CDH15: variants seen among roughly 807,000 people sequenced by gnomAD.
CDH15 encodes cadherin-15.
A neutral mutation model predicts 69.4 loss-of-function variants in CDH15; 73 were observed. That is an observed-to-expected ratio of 1.05 (90% CI 0.87 to 1.28). CDH15 has a LOEUF of 1.28. Among genes scored for constraint, CDH15 ranks in the 50% most tolerant of loss-of-function variants. The pLI is 0.00. For synonymous variants in CDH15, 624 were observed against 507.7 expected, an observed-to-expected ratio of 1.23 and a Z score of -3.08; for missense variants, 1,343 against 1,133.6, an observed-to-expected ratio of 1.18 and a Z score of -2.65.
chr16:89,171,753 G>A lies in CDH15; in HGVS notation c.-79G>A. On this transcript the variant is annotated 5_prime_UTR_variant, in exon 1 of 14. Transcript: ENST00000289746. ...TGTCTCTGGCCCTGGCCCGCCCCGC[G>A]CACTTGCGCTGTCACTCAGCCTGGA... The A allele has an allele frequency of 1.5e-6, 2 of 1,294,158 alleles. No individual in the cohort carries two copies. Among genetic ancestry groups the A allele is most frequent in the South Asian group, 1.3e-5 (1 of 77,182 alleles). 80.2% of individuals were successfully genotyped at this position (1,294,158 alleles called of 1,614,324 possible). A position where few individuals can be genotyped will look rare whatever the true frequency, so the allele number is the denominator to read the frequency against.
At chr16:89,178,646 G>A (rs369835818) in intron 1 of CDH15, among the ~76,000 whole-genome samples, 21 of 152,106 alleles carry the variant, frequency 1.4e-4, no homozygotes, top group Middle Eastern at 3.4e-3. Context: ...GCCCTGACGT[G>A]TTGGGACCTG....
intron 1 of CDH15, 53 bp downstream of exon 1, chr16:89,171,926 A>T (rs1915161560): frequency 2.0e-6 from 3 of 1,508,836 alleles, no homozygotes; most frequent in Non-Finnish European, 1.8e-6. Context: ...ACGCTGCGGG[A>T]CAGTGTCTTC....
rs368971429 is a variant in CDH15 at position 89,195,165 on chromosome 16, G to A, written c.*10G>A. On this transcript the variant is annotated 3_prime_UTR_variant, in exon 14 of 14. Coordinates refer to ENST00000289746, the MANE Select transcript of CDH15 (RefSeq NM_004933.3). ...AGGCCGGACAGCCTGACCCTGGGGCGCAACTGGACATGCCACTCCCCGGCC... is the reference window on the plus strand; with the variant it reads ...AGGCCGGACAGCCTGACCCTGGGGCACAACTGGACATGCCACTCCCCGGCC... 1.1e-4 allele frequency: 175 copies of A among 1,567,550 alleles called. 2 individuals are homozygous for A. The African/African-American group carries it at 1.9e-3, about 17-fold the overall frequency.
Position 89,171,763 on chromosome 16 carries a change from TG to T in CDH15, c.-68del, listed in dbSNP as rs1915155970. On this transcript the variant is annotated 5_prime_UTR_variant, in exon 1 of 14. Coordinates refer to ENST00000289746, the MANE Select transcript of CDH15 (RefSeq NM_004933.3). ...CCTGGCCCGCCCCGCGCACTTGCGC[TG>T]TCACTCAGCCTGGACGCGCTTCTTC... 4 of 1,445,330 alleles carry T rather than the reference TG, an allele frequency of 2.8e-6. No individual in the cohort carries two copies. The South Asian group carries it at 4.9e-5, about 18-fold the overall frequency. 89.5% of individuals were successfully genotyped at this position (1,445,330 alleles called of 1,614,324 possible). A position where few individuals can be genotyped will look rare whatever the true frequency, so the allele number is the denominator to read the frequency against.
In CDH15 at chr16:89,192,311, T is replaced by G. The variant is rs150055194; in HGVS notation, c.1722T>G (p.Pro574=). 799 of 1,535,056 alleles carry G rather than the reference T, an allele frequency of 5.2e-4. No homozygotes were observed. The highest frequency in any genetic ancestry group is 6.6e-4 in the Non-Finnish European group (753 of 1,147,138). ...AGCCGCCCCAGCAGCGCGAGCAGCC[T>G]CTGAACGTGACCGTGTGCCGCTGCG... ...SGQPPQQREQ[P]LNVTVCRCGK... is the part of the protein sequence containing the mutation. Residue 574 remains proline, a synonymous_variant, in exon 11 of 14, where the codon CCT becomes CCG. Coordinates refer to ENST00000289746, the MANE Select transcript of CDH15 (RefSeq NM_004933.3).
intron 5 of CDH15, 100 bp downstream of exon 5, chr16:89,185,433 C>T (rs747624155): frequency 7.6e-7 from 1 of 1,323,402 alleles, no homozygotes; most frequent in Non-Finnish European, 1.0e-6. Flanking sequence ...ACGCTCCTGT[C>T]CCTGCCGTCA....
At chr16:89,194,834 G>C (rs1407475170) in intron 13 of CDH15, 28 bp from the exon 14 acceptor site, 1 of 1,584,672 alleles carries the variant, frequency 6.3e-7, no homozygotes, top group African/African-American at 1.3e-5. Context: ...CCCTCCATGT[G>C]TCTTGAGCTC....
At position 89,191,868 on chromosome 16, in the gene CDH15, G is replaced by T; in HGVS notation, c.1589G>T (p.Arg530Leu). The T allele has an allele frequency of 6.3e-7, 1 of 1,591,520 alleles. No individual in the cohort carries two copies. The highest frequency in any genetic ancestry group is 2.3e-5 in the East Asian group (1 of 44,346). The change falls in exon 10 of 14, where the codon CGG becomes CTG. Residue 530 changes from arginine (R) to leucine (L), a missense_variant. Coordinates refer to ENST00000289746, the MANE Select transcript of CDH15 (RefSeq NM_004933.3). Reference sequence around the variant, plus strand: ...AGCCCCAGGCTCCCAGAGCTCGGCCGGAACTGGAGCCTCAGCCAGGTCAAC... The same window carrying T: ...AGCCCCAGGCTCCCAGAGCTCGGCCTGAACTGGAGCCTCAGCCAGGTCAAC... Reference protein sequence around the residue: ...QLSPRLPELGRNWSLSQVNVS... With the variant: ...QLSPRLPELGLNWSLSQVNVS...
At chr16:89,190,619 C>A in intron 8 of CDH15, 123 bp downstream of exon 8, 2 of 1,272,292 alleles carry the variant, frequency 1.6e-6, no homozygotes, top group African/African-American at 1.5e-5. Flanking sequence ...GTGTGGGTTC[C>A]TGAAGGTCTG....
rs1306372447 is a variant in CDH15, at chr16:89,188,231, G to A, written c.924G>A (p.Gln308=). Residue 308 remains glutamine (Q), a synonymous_variant, in exon 7 of 14, where the codon CAG becomes CAA. Transcript: ENST00000289746. The stretch of plus-strand genomic sequence containing the variant: ...TCCTGGAAGGCGACCCCGATGGGCA[G>A]TTCACCATCCGCACGGACCCCAAGA... ...FTILEGDPDG[Q]FTIRTDPKTN... is the part of the protein sequence containing the mutation. 2 of 1,613,604 alleles carry A rather than the reference G, an allele frequency of 1.2e-6. No homozygotes were observed. The highest frequency in any genetic ancestry group is 1.7e-6 in the Non-Finnish European group (2 of 1,179,946).
At chr16:89,194,601 C>T (rs1915751645) in intron 13 of CDH15, among the ~76,000 whole-genome samples, 1 of 152,060 alleles carries the variant, frequency 6.6e-6, no homozygotes, top group Non-Finnish European at 1.5e-5. Flanking sequence ...TCCCACCTTG[C>T]TGGGGCAGGG....
chr16:89,183,406 C>T (rs1423434713), intron 3 of CDH15, 142 bp from the exon 4 acceptor site: 7 of 912,900 alleles, frequency 7.7e-6, no homozygotes, highest in African/African-American at 1.6e-5. Context: ...AGATGCCCCA[C>T]CCTGTGCTGT....
intron 13 of CDH15, 146 bp from the exon 14 acceptor site, chr16:89,194,716 C>A: frequency 1.3e-6 from 1 of 773,950 alleles, no homozygotes; most frequent in African/African-American, 1.7e-5. Flanking sequence ...GACGCTTTGC[C>A]TCCCCTCAGA....
rs1915534108 is a variant in CDH15 at position 89,188,229 on chromosome 16, C to T, written c.922C>T (p.Gln308Ter). The part of the protein sequence containing the change: ...FTILEGDPDG[Q>*]FTIRTDPKTN... ...CATCCTGGAAGGCGACCCCGATGGG[C>T]AGTTCACCATCCGCACGGACCCCAA... is the stretch of plus-strand genomic sequence containing the variant. Residue 308 changes from glutamine to a stop codon, truncating the protein, a stop_gained, in exon 7 of 14, where the codon CAG becomes TAG. Coordinates refer to ENST00000289746, the MANE Select transcript of CDH15 (RefSeq NM_004933.3). LOFTEE classifies it high-confidence loss of function. The T allele has an allele frequency of 6.2e-7, 1 of 1,613,566 alleles. No individual in the cohort carries two copies. Among genetic ancestry groups the T allele is most frequent in the Non-Finnish European group, 8.5e-7 (1 of 1,179,922 alleles).
intron 3 of CDH15, chr16:89,183,068 G>C (rs150399975): frequency 3.7e-3 from 576 of 157,624 alleles, no homozygotes; most frequent in African/African-American, 0.013. Flanking sequence ...TGTAATCCCA[G>C]CTACTTGGGA....
At chr16:89,179,975 G>T (rs1679917392) in intron 2 of CDH15, among the ~76,000 whole-genome samples, 2 of 152,240 alleles carry the variant, frequency 1.3e-5, no homozygotes, top group Admixed American at 6.5e-5. Context: ...GAGGACACCA[G>T]GAGCTGAGCC....
rs200227879 is a variant in CDH15 at position 89,193,780 on chromosome 16, G to C, written c.2018G>C (p.Arg673Pro). Residue 673 changes from arginine to proline, a missense_variant, in exon 13 of 14, where the codon CGT (arginine) becomes CCT (proline). By Grantham distance (103) the Arg-to-Pro change is moderately radical (BLOSUM62 -2). Transcript: ENST00000289746. Reference protein sequence around the residue: ...DQDAYDISQLRHPTALSLPLG... With the variant: ...DQDAYDISQLPHPTALSLPLG... Reference sequence around the variant, plus strand: ...GACGCCTACGACATCAGCCAGCTGCGTCACCCGACAGCGCTGAGCCTGCCT... The same window carrying C: ...GACGCCTACGACATCAGCCAGCTGCCTCACCCGACAGCGCTGAGCCTGCCT... The C allele has an allele frequency of 6.2e-7, 1 of 1,605,218 alleles. No homozygotes were observed. The highest frequency in any genetic ancestry group is 8.5e-7 in the Non-Finnish European group (1 of 1,179,136).
intron 8 of CDH15, among the ~76,000 whole-genome samples, chr16:89,191,105 C>T (rs1332971806): frequency 2.0e-5 from 3 of 151,508 alleles, no homozygotes; most frequent in Non-Finnish European, 4.4e-5. Flanking sequence ...TATATATGTG[C>T]ATGTGTGTGT....
In CDH15 at chr16:89,192,419, G is replaced by A; in HGVS notation, c.1830G>A (p.Val610=). ...TGLSLGALVI[V]LASALLLLVL... is the part of the protein sequence containing the mutation. ...TCAGCCTGGGCGCACTGGTCATCGT[G>A]CTGGCCAGCGCCCTCCTGCTGCTGG... The change falls in exon 11 of 14, where the codon GTG becomes GTA. Residue 610 remains valine, a synonymous_variant. Transcript: ENST00000289746. 2 of 1,549,540 alleles carry A rather than the reference G, an allele frequency of 1.3e-6. No homozygotes were observed. The highest frequency in any genetic ancestry group is 1.9e-5 in the Admixed American group (1 of 53,152).
Sources: allele counts gnomAD v4.1 joint callset (sites outside exome capture counted in the v4.1 genomes callset), GRCh38; gene constraint gnomAD v4.1.1; transcripts MANE v1.5; gene names NCBI Gene and HGNC (gene_info 2026-07-23, HGNC 2026-07-21).